The following RNF130 variants were observed in gnomAD, a reference collection of about 807,000 sequenced individuals.
The protein encoded by RNF130 is E3 ubiquitin-protein ligase RNF130.
In RNF130, 21 loss-of-function variants were observed where a neutral mutation model predicts 44.6. The observed-to-expected ratio is 0.47, with a 90% confidence interval of 0.33 to 0.68. The LOEUF (loss-of-function observed/expected upper bound fraction) is 0.68. Ranked by LOEUF, RNF130 falls within the 30% of genes least tolerant of loss-of-function variation. RNF130 has a pLI of 0.02. For synonymous variants in RNF130, 214 were observed against 210.4 expected (o/e 1.02, Z -0.15); for missense variants, 479 against 560.6 (o/e 0.85, Z 1.47).
At chr5:179,969,764 T>G (rs1046432278) in intron 6 of RNF130, among the ~76,000 whole-genome samples, 2 of 151,140 alleles carry the variant, frequency 1.3e-5, no homozygotes, top group African/African-American at 2.4e-5. Context: ...CAGAGGCGGG[T>G]GGATCACCTG....
intron 2 of RNF130, among the ~76,000 whole-genome samples, chr5:180,017,270 G>T (rs1215683138): frequency 6.6e-6 from 1 of 152,188 alleles, no homozygotes; most frequent in Non-Finnish European, 1.5e-5. Context: ...GTGATGGCGT[G>T]TCCCTCCTCA....
intron 1 of RNF130, among the ~76,000 whole-genome samples, chr5:180,041,071 C>T (rs1764399706): frequency 2.0e-5 from 3 of 152,190 alleles, no homozygotes; most frequent in Admixed American, 6.5e-5. Context: ...GCTATCCCCA[C>T]AGTGAGAAAA....
chr5:179,961,421 T>C (rs1209254131), intron 8 of RNF130, among the ~76,000 whole-genome samples: 1 of 152,180 alleles, frequency 6.6e-6, no homozygotes, highest in Non-Finnish European at 1.5e-5. Flanking sequence ...ATCCATGACT[T>C]AGATTCTGAG....
chr5:180,023,745 A>C (rs1257366212), intron 2 of RNF130, among the ~76,000 whole-genome samples: 1 of 152,240 alleles, frequency 6.6e-6, no homozygotes. Context: ...AATGGAGCAG[A>C]GGCAAATCAC....
intron 1 of RNF130, among the ~76,000 whole-genome samples, chr5:180,049,614 A>G (rs1232006319): frequency 4.6e-5 from 7 of 152,170 alleles, no homozygotes; most frequent in Admixed American, 3.9e-4. Flanking sequence ...ACATTGTTTC[A>G]GTATACTTGG....
chr5:180,042,324 A>T (rs1747303824), intron 1 of RNF130, among the ~76,000 whole-genome samples: 1 of 152,202 alleles, frequency 6.6e-6, no homozygotes, highest in Non-Finnish European at 1.5e-5. Flanking sequence ...AATACATGAA[A>T]TGGAAGATGA....
intron 7 of RNF130, among the ~76,000 whole-genome samples, chr5:179,930,077 G>A (rs1316712425): frequency 6.6e-6 from 1 of 151,916 alleles, no homozygotes; most frequent in African/African-American, 2.4e-5. Flanking sequence ...TATTTTTTGA[G>A]ATGGAGTCTT....
At chr5:179,933,694 T>C (rs1433929795) in intron 7 of RNF130, 1 of 322,866 alleles carries the variant, frequency 3.1e-6, no homozygotes, top group African/African-American at 2.2e-5. Context: ...GCTAATTTTT[T>C]CTACTTTTTG....
intron 1 of RNF130, among the ~76,000 whole-genome samples, chr5:180,062,429 C>T (rs1194912081): frequency 6.6e-6 from 1 of 152,084 alleles, no homozygotes; most frequent in Admixed American, 6.5e-5. Flanking sequence ...TAATCACCAC[C>T]AAAGGCCCCA....
At chr5:179,926,453 C>A (rs1411470897) in intron 7 of RNF130, among the ~76,000 whole-genome samples, 1 of 152,116 alleles carries the variant, frequency 6.6e-6, no homozygotes, top group Non-Finnish European at 1.5e-5. Context: ...TGAGACCAGT[C>A]TGGCCAACAT....
intron 5 of RNF130, among the ~76,000 whole-genome samples, chr5:179,970,863 G>A (rs1206466817): frequency 6.6e-6 from 1 of 152,102 alleles, no homozygotes; most frequent in Non-Finnish European, 1.5e-5. Flanking sequence ...ATAGAAAAAT[G>A]GAGTTTCAAA....
chr5:179,936,736 G>C (rs1761895710), intron 7 of RNF130, among the ~76,000 whole-genome samples: 1 of 152,170 alleles, frequency 6.6e-6, no homozygotes. Flanking sequence ...TAAAATTACA[G>C]TAAACAAGGC....
intron 1 of RNF130, among the ~76,000 whole-genome samples, chr5:180,048,226 G>A (rs1238404477): frequency 6.6e-6 from 1 of 152,130 alleles, no homozygotes; most frequent in Non-Finnish European, 1.5e-5. Context: ...GCCTTGATGA[G>A]TTAATAGGAG....
At chr5:179,920,085 A>G in exon 8 of RNF130, 1 of 448,418 alleles carries the variant, frequency 2.2e-6, no homozygotes, top group East Asian at 3.2e-5. Flanking sequence ...CCCACCTTCA[A>G]TGATCAGCTT....
chr5:179,948,937 C>T (rs1407635087), intron 7 of RNF130, among the ~76,000 whole-genome samples: 1 of 151,758 alleles, frequency 6.6e-6, no homozygotes, highest in Non-Finnish European at 1.5e-5. Context: ...TTCTGACCAA[C>T]CTGGCCAATG....
chr5:179,982,774 A>C (rs1762867438), intron 3 of RNF130, among the ~76,000 whole-genome samples: 1 of 152,066 alleles, frequency 6.6e-6, no homozygotes, highest in Non-Finnish European at 1.5e-5. Context: ...TGTAGAGACG[A>C]GGTCTCACTA....
intron 2 of RNF130, among the ~76,000 whole-genome samples, chr5:180,030,895 G>C (rs1282850915): frequency 6.6e-6 from 1 of 152,174 alleles, no homozygotes; most frequent in Non-Finnish European, 1.5e-5. Context: ...CCACCAGTGT[G>C]AACTGTCCAG....
chr5:179,961,093 G>A (rs1438055772), intron 8 of RNF130, among the ~76,000 whole-genome samples: 1 of 150,978 alleles, frequency 6.6e-6, no homozygotes, highest in Non-Finnish European at 1.5e-5. Context: ...AAAAGATTAA[G>A]TAATTCATGC....
At position 180,040,640 on chromosome 5, in the gene RNF130, A is replaced by T; in HGVS notation, c.255T>A (p.Asp85Glu). ...GGGTTTGTGGATCACAGCCCAGATG[A>T]TCAGCAACTGAAAAGAAAAAGAAAT... ...LAPLPLHGVA[D>E]HLGCDPQTRF... The change falls in exon 2 of 9, where the codon GAT becomes GAA. Residue 85 changes from aspartate to glutamate, a missense_variant. By Grantham distance (45) the Asp-to-Glu change is conservative (BLOSUM62 2). Coordinates refer to ENST00000521389, the MANE Select transcript of RNF130 (RefSeq NM_018434.6). The T allele has an allele frequency of 4.3e-6, 7 of 1,610,416 alleles. No individual in the cohort carries two copies. Among genetic ancestry groups the T allele is most frequent in the Non-Finnish European group, 5.9e-6 (7 of 1,178,520 alleles).
Sources: gnomAD v4.1 joint callset for allele counts (sites outside exome capture counted in the v4.1 genomes callset) on GRCh38, gnomAD v4.1.1 for gene constraint, MANE v1.5 for transcripts, NCBI Gene and HGNC (gene_info 2026-07-23, HGNC 2026-07-21) for gene names.